The following CDKAL1 variants were observed in gnomAD, a reference collection of about 807,000 sequenced individuals.
CDKAL1 encodes CDKAL1 threonylcarbamoyladenosine tRNA methylthiotransferase.
A neutral mutation model predicts 68.2 loss-of-function variants in CDKAL1; 32 were observed. The ratio of observed to expected loss-of-function variants is 0.47; its 90% CI spans 0.35 to 0.63. The LOEUF (loss-of-function observed/expected upper bound fraction) is 0.63. Among genes scored for constraint, CDKAL1 ranks in the 30% least tolerant of loss-of-function variants. CDKAL1 has a pLI of 0.00. For synonymous variants in CDKAL1, 234 were observed against 244.3 expected (o/e 0.96, Z 0.39); for missense variants, 606 against 696.7 (o/e 0.87, Z 1.47).
intron 10 of CDKAL1, among the ~76,000 whole-genome samples, chr6:20,964,171 G>A (rs1477698938): frequency 1.4e-4 from 21 of 152,158 alleles, no homozygotes; most frequent in Admixed American, 4.6e-4. Context: ...AGATGCTGGC[G>A]AGGGTACGGA....
At chr6:20,633,386 A>T (rs1471522913) in intron 4 of CDKAL1, among the ~76,000 whole-genome samples, 1 of 152,254 alleles carries the variant, frequency 6.6e-6, no homozygotes, top group Non-Finnish European at 1.5e-5. Flanking sequence ...TTGATTGCTG[A>T]ATAATATTCC....
intron 11 of CDKAL1, among the ~76,000 whole-genome samples, chr6:21,013,729 G>T (rs1768145506): frequency 6.6e-6 from 1 of 152,178 alleles, no homozygotes; most frequent in African/African-American, 2.4e-5. Context: ...TTTCCAGCCT[G>T]CAGTATGAGT....
intron 12 of CDKAL1, among the ~76,000 whole-genome samples, chr6:21,077,004 C>T (rs1772106915): frequency 6.6e-6 from 1 of 152,106 alleles, no homozygotes; most frequent in African/African-American, 2.4e-5. Flanking sequence ...TAGTTGAGAG[C>T]CTCCTACTTT....
chr6:20,801,566 G>A (rs896240388), intron 8 of CDKAL1, among the ~76,000 whole-genome samples: 4 of 151,974 alleles, frequency 2.6e-5, no homozygotes, highest in Admixed American at 1.3e-4. Flanking sequence ...TACATCAGAC[G>A]TGACATTATA....
intron 4 of CDKAL1, among the ~76,000 whole-genome samples, chr6:20,644,602 C>T (rs1253764632): frequency 6.6e-6 from 1 of 152,104 alleles, no homozygotes; most frequent in African/African-American, 2.4e-5. Flanking sequence ...ATGGCGTGAA[C>T]CCGGGAGGCA....
intron 5 of CDKAL1, among the ~76,000 whole-genome samples, chr6:20,710,984 A>T (rs757534314): frequency 1.1e-4 from 16 of 152,052 alleles, no homozygotes; most frequent in Non-Finnish European, 2.2e-4. Flanking sequence ...TTCCTTTTTA[A>T]TTTTCTTAAA....
chr6:20,756,917 T>TTCCGTCCC (rs1561750773), intron 6 of CDKAL1: 1 of 81,772 alleles, frequency 1.2e-5, no homozygotes. Context: ...CCTTCCTTCC[T>TTCCGTCCC]TCCTTCCCTC....
At position 21,005,719 on chromosome 6, in the gene CDKAL1, C is replaced by T. The variant is rs530491417; in HGVS notation, c.1055+5347C>T. ...CATTATCATTTCTTAAGGTACTGTG[C>T]ACTTCAGGGTTAATTTCCCTTGTTG... On this transcript the variant is annotated intron_variant, in intron 11 of 15. Transcript: ENST00000274695. Among the ~76,000 whole-genome samples the T allele has an allele frequency of 9.9e-5, 15 of 152,274 alleles. No homozygotes were observed. The South Asian group carries it at 1.5e-3, about 15-fold the overall frequency.
rs68091041 is a variant in CDKAL1, at chr6:20,915,168, CA to C, written c.743-40240del. On this transcript the variant is annotated intron_variant, in intron 9 of 15. Transcript: ENST00000274695. ...AAATCACAGATTATTTATATAATGG[CA>C]AAAAAAAAAAGGAAGAAAGAAAACA... 2.2e-3 allele frequency among the ~76,000 whole-genome samples: 309 copies of C among 138,342 alleles called. 1 individual carries two copies. Among genetic ancestry groups the C allele is most frequent in the Admixed American group, 4.1e-3 (57 of 13,876 alleles). 90.8% of individuals were successfully genotyped at this position (138,342 alleles called of 152,430 possible). A position where few individuals can be genotyped will look rare whatever the true frequency, so the allele number is the denominator to read the frequency against.
At chr6:20,717,566 T>C (rs943386927) in intron 5 of CDKAL1, among the ~76,000 whole-genome samples, 2 of 152,126 alleles carry the variant, frequency 1.3e-5, no homozygotes, top group African/African-American at 4.8e-5. Flanking sequence ...GTTTTCTCAG[T>C]GAAGTCAGAA....
intron 12 of CDKAL1, among the ~76,000 whole-genome samples, chr6:21,081,290 A>G (rs913413458): frequency 3.9e-5 from 6 of 152,212 alleles, no homozygotes; most frequent in Admixed American, 1.3e-4. Context: ...GAGTGAATTT[A>G]TATTAAATAA....
chr6:20,899,574 T>A (rs1761865881), intron 9 of CDKAL1, among the ~76,000 whole-genome samples: 1 of 152,316 alleles, frequency 6.6e-6, no homozygotes, highest in East Asian at 1.9e-4. Context: ...TTGGGTGTGG[T>A]GGCTCACGCC....
intron 9 of CDKAL1, among the ~76,000 whole-genome samples, chr6:20,939,761 A>C (rs1763885314): frequency 6.6e-6 from 1 of 152,286 alleles, no homozygotes; most frequent in South Asian, 2.1e-4. Context: ...AGTTAACAGG[A>C]GTGCTTTGGT....
chr6:20,770,594 C>T (rs563151341), intron 7 of CDKAL1, among the ~76,000 whole-genome samples: 13 of 152,212 alleles, frequency 8.5e-5, no homozygotes, highest in Non-Finnish European at 1.5e-4. Flanking sequence ...AATTTTAAGA[C>T]GATGTTTGAT....
intron 8 of CDKAL1, among the ~76,000 whole-genome samples, chr6:20,817,973 C>G (rs1212333565): frequency 7.2e-5 from 11 of 152,148 alleles, no homozygotes; most frequent in Admixed American, 7.2e-4. Flanking sequence ...GGGGCCACTA[C>G]TATTTCTTGA....
At chr6:20,837,937 T>TTGTGTGTGTGTG (rs531904726) in intron 8 of CDKAL1, among the ~76,000 whole-genome samples, 193 of 123,196 alleles carry the variant, frequency 1.6e-3, no homozygotes, top group East Asian at 3.5e-3. Context: ...TGGGAAGAAA[T>TTGTGTGTGTGTG]TGTGTGTGTG....
At position 20,799,040 on chromosome 6, in the gene CDKAL1, GTTTTTTTTTT is replaced by G. The variant is rs754008816; in HGVS notation, c.638+17795_638+17804del. Among the ~76,000 whole-genome samples, 94 of 47,516 alleles carry G rather than the reference GTTTTTTTTTT, an allele frequency of 2.0e-3. 1 individual carries two copies. In the South Asian group the frequency reaches 0.036, roughly 18 times the overall value. 31.2% of individuals were successfully genotyped at this position (47,516 alleles called of 152,430 possible). A position where few individuals can be genotyped will look rare whatever the true frequency, so the allele number is the denominator to read the frequency against. ...GGCCCATATATTTGAAAAGAACTGA[GTTTTTTTTTT>G]TTTTTTTTTTTTTTTTTTTGAGACG... On this transcript the variant is annotated intron_variant, in intron 8 of 15. Transcript: ENST00000274695.
intron 5 of CDKAL1, among the ~76,000 whole-genome samples, chr6:20,675,901 C>T (rs1770072172): frequency 1.3e-5 from 2 of 152,022 alleles, no homozygotes; most frequent in Non-Finnish European, 2.9e-5. Context: ...TATTATTGCC[C>T]CTGAAAGTCT....
At chr6:20,835,161 G>A (rs1004378824) in intron 8 of CDKAL1, among the ~76,000 whole-genome samples, 4 of 152,164 alleles carry the variant, frequency 2.6e-5, no homozygotes, top group Non-Finnish European at 5.9e-5. Flanking sequence ...GAGACACAAG[G>A]AAACCTTTAG....
Sources: gnomAD v4.1 joint callset for allele counts (sites outside exome capture counted in the v4.1 genomes callset) on GRCh38, gnomAD v4.1.1 for gene constraint, MANE v1.5 for transcripts, NCBI Gene and HGNC (gene_info 2026-07-23, HGNC 2026-07-21) for gene names.